CTNNA3: variants seen among roughly 807,000 people sequenced by gnomAD.
CTNNA3 encodes the protein catenin alpha 3, also known as catenin alpha-3.
Under a neutral mutation model 95.7 loss-of-function variants are expected in CTNNA3, and 76 were observed. That is an observed-to-expected ratio of 0.79 (90% CI 0.66 to 0.96). CTNNA3 has a LOEUF of 0.96. Ranked by LOEUF, CTNNA3 falls within the 40% of genes least tolerant of loss-of-function variation. The probability of loss-of-function intolerance (pLI) is 0.00; values close to 1 mark genes in which losing one functional copy is unlikely to be tolerated. For missense variants in CTNNA3, 1,191 were observed against 1,089.8 expected, an observed-to-expected ratio of 1.09 and a Z score of -1.31; for synonymous variants, 431 against 374.4, an observed-to-expected ratio of 1.15 and a Z score of -1.74.
chr10:66,445,147 T>A (rs1238145409), intron 11 of CTNNA3, among the ~76,000 whole-genome samples: 5 of 151,660 alleles, frequency 3.3e-5, no homozygotes, highest in African/African-American at 1.2e-4. Context: ...ATGCACCCAA[T>A]ACAGGAGCAA....
intron 1 of CTNNA3, among the ~76,000 whole-genome samples, chr10:67,736,720 G>A (rs1841305030): frequency 6.6e-6 from 1 of 151,996 alleles, no homozygotes; most frequent in Non-Finnish European, 1.5e-5. Context: ...CTCCCAAAGT[G>A]CTGGGATTTG....
chr10:65,955,252 T>C (rs1015266318), intron 17 of CTNNA3, among the ~76,000 whole-genome samples: 1 of 152,212 alleles, frequency 6.6e-6, no homozygotes, highest in African/African-American at 2.4e-5. Context: ...CCTGAGACAT[T>C]GCTGAAGTTG....
At chr10:66,691,047 T>C (rs1460065832) in intron 9 of CTNNA3, among the ~76,000 whole-genome samples, 5 of 152,206 alleles carry the variant, frequency 3.3e-5, no homozygotes, top group African/African-American at 1.2e-4. Flanking sequence ...AGACGGGTGA[T>C]TTCTGCATTT....
chr10:66,379,076 C>T, intron 12 of CTNNA3, 76 bp downstream of exon 12: 2 of 1,238,616 alleles, frequency 1.6e-6, no homozygotes, highest in African/African-American at 1.5e-5. Context: ...AGAATCTTTC[C>T]CACATGTATG....
At chr10:67,524,862 C>T (rs1176706725) in intron 4 of CTNNA3, among the ~76,000 whole-genome samples, 1 of 152,056 alleles carries the variant, frequency 6.6e-6, no homozygotes, top group Non-Finnish European at 1.5e-5. Context: ...AGGTTGAGGC[C>T]TAGGTTTTAA....
In CTNNA3 at chr10:66,379,189, T is replaced by G. The variant is rs755301482; in HGVS notation, c.1695A>C (p.Glu565Asp). ...GGAAGTTAACATTTCTCATTACACCTTCCGTGTAAGCCCCTGGCTCGTAAC... is the reference window on the plus strand; with the variant it reads ...GGAAGTTAACATTTCTCATTACACCGTCCGTGTAAGCCCCTGGCTCGTAAC... Reference protein sequence around the residue: ...MDSYEPGAYTEGVMRNVNFLT... With the variant: ...MDSYEPGAYTDGVMRNVNFLT... The change falls in exon 12 of 18, where the codon GAA becomes GAC. Residue 565 changes from glutamate (E) to aspartate (D), a missense_variant. Glu to Asp is a conservative substitution (Grantham distance 45). Transcript: ENST00000433211. 6.2e-7 allele frequency: 1 copy of G among 1,614,018 alleles called. No individual in the cohort carries two copies. Among genetic ancestry groups the G allele is most frequent in the African/African-American group, 1.3e-5 (1 of 74,932 alleles).
chr10:67,394,308 AAAAAAG>A (rs1359019067), intron 5 of CTNNA3, among the ~76,000 whole-genome samples: 1 of 152,060 alleles, frequency 6.6e-6, no homozygotes, highest in Non-Finnish European at 1.5e-5. Flanking sequence ...ATCAAAAAAA[AAAAAAG>A]AAGCCCGTTA....
intron 9 of CTNNA3, among the ~76,000 whole-genome samples, chr10:66,691,967 G>C (rs200765983): frequency 6.7e-6 from 1 of 149,448 alleles, no homozygotes; most frequent in Non-Finnish European, 1.5e-5. Context: ...TCTGTACATC[G>C]CCATCATCAA....
At chr10:66,502,682 A>G (rs1840316969) in intron 11 of CTNNA3, among the ~76,000 whole-genome samples, 1 of 152,192 alleles carries the variant, frequency 6.6e-6, no homozygotes, top group Admixed American at 6.5e-5. Context: ...ATTTGTCTTA[A>G]CTACTGTGTT....
At chr10:67,584,326 AG>A (rs1842539705) in intron 3 of CTNNA3, among the ~76,000 whole-genome samples, 1 of 152,192 alleles carries the variant, frequency 6.6e-6, no homozygotes, top group African/African-American at 2.4e-5. Flanking sequence ...ACTTTGCTGG[AG>A]GTCCACTCCA....
At chr10:66,767,380 A>T in intron 8 of CTNNA3, among the ~76,000 whole-genome samples, 1 of 150,656 alleles carries the variant, frequency 6.6e-6, no homozygotes, top group Non-Finnish European at 1.5e-5. Flanking sequence ...CAGGAGGAGG[A>T]GGTTGCAGTG....
At position 67,350,910 on chromosome 10, in the gene CTNNA3, G is replaced by GTATATATATA. The variant is rs3057678; in HGVS notation, c.580-131050_580-131041dup. Among the ~76,000 whole-genome samples the GTATATATATA allele has an allele frequency of 7.1e-4, 101 of 141,808 alleles. 1 individual carries two copies. Among genetic ancestry groups the GTATATATATA allele is most frequent in the Middle Eastern group, 3.7e-3 (1 of 270 alleles). 93.0% of individuals were successfully genotyped at this position (141,808 alleles called of 152,430 possible). ...AAATCTGTATGTGAAAAAAGTATGT[G>GTATATATATA]TATATATATATATATATATATGCAT... On this transcript the variant is annotated intron_variant, in intron 5 of 17. Coordinates refer to ENST00000433211, the MANE Select transcript of CTNNA3 (RefSeq NM_013266.4).
intron 12 of CTNNA3, among the ~76,000 whole-genome samples, chr10:66,367,763 G>T (rs2092720559): frequency 6.7e-6 from 1 of 148,730 alleles, no homozygotes; most frequent in South Asian, 2.1e-4. Flanking sequence ...GTAGAGTAAT[G>T]CATTTTACAG....
chr10:66,173,308 A>C (rs547278380), intron 13 of CTNNA3, among the ~76,000 whole-genome samples: 1 of 152,328 alleles, frequency 6.6e-6, no homozygotes, highest in East Asian at 1.9e-4. Context: ...ACACAGATAT[A>C]AAAGCCAATT....
intron 17 of CTNNA3, among the ~76,000 whole-genome samples, chr10:65,964,071 T>A (rs573672241): frequency 6.6e-6 from 1 of 152,214 alleles, no homozygotes; most frequent in Non-Finnish European, 1.5e-5. Flanking sequence ...TCTGTAGTTT[T>A]GAATACCAAA....
chr10:66,160,988 A>G (rs2084812830), intron 13 of CTNNA3, among the ~76,000 whole-genome samples: 1 of 152,146 alleles, frequency 6.6e-6, no homozygotes, highest in Admixed American at 6.5e-5. Flanking sequence ...TGTGTGATAT[A>G]AGAATAGTTA....
chr10:67,594,378 C>G (rs530261024), intron 3 of CTNNA3, among the ~76,000 whole-genome samples: 1 of 152,146 alleles, frequency 6.6e-6, no homozygotes, highest in East Asian at 1.9e-4. Context: ...TTCATCTGTT[C>G]CAGGGCTTTT....
intron 16 of CTNNA3, among the ~76,000 whole-genome samples, chr10:65,972,052 C>T (rs904770093): frequency 3.9e-5 from 6 of 151,954 alleles, no homozygotes; most frequent in Non-Finnish European, 8.8e-5. Context: ...GAATTAATAA[C>T]AAAAATCATA....
chr10:67,294,323 G>A (rs1012579132), intron 5 of CTNNA3, among the ~76,000 whole-genome samples: 2 of 152,132 alleles, frequency 1.3e-5, no homozygotes, highest in African/African-American at 4.8e-5. Flanking sequence ...AAAAGACTAT[G>A]TGTTGCTACA....
Sources: allele counts gnomAD v4.1 joint callset (sites outside exome capture counted in the v4.1 genomes callset), GRCh38; gene constraint gnomAD v4.1.1; transcripts MANE v1.5; gene names NCBI Gene and HGNC (gene_info 2026-07-23, HGNC 2026-07-21).